The following SGCD variants were observed in gnomAD, a reference collection of about 807,000 sequenced individuals.
SGCD encodes the protein sarcoglycan delta, also known as delta-sarcoglycan.
SGCD carries 18 observed loss-of-function variants against 36.6 expected under a neutral mutation model. The observed-to-expected ratio is 0.49, with a 90% confidence interval of 0.34 to 0.73. SGCD has a LOEUF of 0.73. Ranked by LOEUF, SGCD falls within the 30% of genes least tolerant of loss-of-function variation. The probability of loss-of-function intolerance (pLI) is 0.01; values close to 1 mark genes in which losing one functional copy is unlikely to be tolerated. For missense variants in SGCD, 387 were observed against 346.7 expected (o/e 1.12, Z -0.92); for synonymous variants, 133 against 130.6 (o/e 1.02, Z -0.12).
At chr5:156,578,883 T>C (rs977360619) in intron 4 of SGCD, among the ~76,000 whole-genome samples, 10 of 152,034 alleles carry the variant, frequency 6.6e-5, no homozygotes, top group Non-Finnish European at 1.2e-4. Context: ...ATTCATTGAT[T>C]CTTTTGAAGG....
rs191506321 is a variant in SGCD, at chr5:156,638,064, C to G, written c.503-9400C>G. On this transcript the variant is annotated intron_variant, in intron 6 of 8. Transcript: ENST00000337851. ...TAGGAAGGCATCACCACCCACTTGC[C>G]TGGCCACAGGAACAGCGTGTTCTAC... Among the ~76,000 whole-genome samples the G allele has an allele frequency of 4.5e-4, 69 of 152,060 alleles. No individual in the cohort carries two copies. In the East Asian group the frequency reaches 7.7e-3, roughly 17 times the overall value.
At chr5:155,998,220 C>A (rs1011089522) in intron 1 of SGCD, among the ~76,000 whole-genome samples, 2 of 152,120 alleles carry the variant, frequency 1.3e-5, no homozygotes, top group Admixed American at 1.3e-4. Flanking sequence ...AAAACAATTT[C>A]TTCCATCTTA....
At chr5:155,747,509 G>C in the SGCD span, among the ~76,000 whole-genome samples, 1 of 152,152 alleles carries the variant, frequency 6.6e-6, no homozygotes, top group African/African-American at 2.4e-5. Flanking sequence ...CTTTTTGTTG[G>C]AGGATAGGGA....
chr5:156,336,928 C>T (rs1017347868), intron 2 of SGCD, among the ~76,000 whole-genome samples: 2 of 152,182 alleles, frequency 1.3e-5, no homozygotes, highest in Non-Finnish European at 2.9e-5. Context: ...TAAAAAGAAA[C>T]TGCCATTCCT....
At chr5:155,866,699 A>G (rs567460484), upstream of SGCD, among the ~76,000 whole-genome samples, 5 of 152,218 alleles carry the variant, frequency 3.3e-5, no homozygotes, top group South Asian at 8.3e-4. Context: ...TCTTCATTCC[A>G]TCCTAACAGC....
At chr5:156,643,926 G>C (rs1320550578) in intron 6 of SGCD, among the ~76,000 whole-genome samples, 1 of 151,952 alleles carries the variant, frequency 6.6e-6, no homozygotes, top group Non-Finnish European at 1.5e-5. Context: ...TGAATCTATT[G>C]AACATTTTGC....
intron 3 of SGCD, among the ~76,000 whole-genome samples, chr5:156,421,857 C>A (rs1485898622): frequency 6.6e-6 from 1 of 151,984 alleles, no homozygotes; most frequent in Non-Finnish European, 1.5e-5. Context: ...AATCTGTGAG[C>A]CTTTACCGGG....
chr5:156,232,301 T>C (rs557726225), intron 3 of SGCD, among the ~76,000 whole-genome samples: 1 of 152,350 alleles, frequency 6.6e-6, no homozygotes, highest in South Asian at 2.1e-4. Context: ...CCCTACTTGA[T>C]TATTTTTGCT....
intron 7 of SGCD, among the ~76,000 whole-genome samples, chr5:156,692,761 G>A (rs577429014): frequency 3.9e-5 from 6 of 152,292 alleles, no homozygotes; most frequent in Admixed American, 3.9e-4. Flanking sequence ...AAATCAGACT[G>A]AGATAGGTTA....
At chr5:155,776,778 C>T in the SGCD span, among the ~76,000 whole-genome samples, 4 of 152,042 alleles carry the variant, frequency 2.6e-5, no homozygotes, top group Non-Finnish European at 4.4e-5. Context: ...TCTTATGAGA[C>T]AAAACTAACA....
chr5:156,342,859 T>C (rs1768737314), intron 2 of SGCD, among the ~76,000 whole-genome samples: 4 of 152,234 alleles, frequency 2.6e-5, no homozygotes, highest in African/African-American at 9.6e-5. Context: ...CATTGGGTCA[T>C]CATTTATGCA....
rs146210568 is a variant in SGCD at position 156,700,707 on chromosome 5, A to G, written c.575+53171A>G. On this transcript the variant is annotated intron_variant, in intron 7 of 8. Transcript: ENST00000337851. The stretch of plus-strand genomic sequence containing the variant: ...ACCTGTAATCCCAGAACTTTGGGAT[A>G]CTGAGGCAAGAAGATTGCTTGAGGC... 1.5e-4 allele frequency among the ~76,000 whole-genome samples: 23 copies of G among 152,228 alleles called. No homozygotes were observed. In the East Asian group the frequency reaches 3.9e-3, roughly 26 times the overall value.
intron 1 of SGCD, among the ~76,000 whole-genome samples, chr5:155,994,472 T>C (rs1257382605): frequency 6.6e-6 from 1 of 152,224 alleles, no homozygotes; most frequent in African/African-American, 2.4e-5. Flanking sequence ...TTACCATTAA[T>C]GGCAGGAAGC....
chr5:156,426,208 C>G (rs114066057), intron 3 of SGCD, among the ~76,000 whole-genome samples: 248 of 152,182 alleles, frequency 1.6e-3, no homozygotes, highest in African/African-American at 5.5e-3. Context: ...TGCACCACAT[C>G]CATGCAAATA....
intron 3 of SGCD, among the ~76,000 whole-genome samples, chr5:156,319,039 C>T (rs777880432): frequency 8.5e-5 from 13 of 152,048 alleles, no homozygotes; most frequent in Admixed American, 2.0e-4. Flanking sequence ...TGCTTTTTGG[C>T]GGGGAGAATC....
chr5:156,506,623 C>A lies in SGCD; in HGVS notation c.193-1978C>A, dbSNP rs142668674. The stretch of plus-strand genomic sequence containing the variant: ...TATATTAAAAGGGTGCAGCAGTCAA[C>A]TGGAAAAAAACCCTTGACTGAAGTA... On this transcript the variant is annotated intron_variant, in intron 3 of 8. Coordinates refer to ENST00000337851, the MANE Select transcript of SGCD (RefSeq NM_000337.6). 1.3e-3 allele frequency among the ~76,000 whole-genome samples: 203 copies of A among 152,034 alleles called. 2 individuals carry two copies. The highest frequency in any genetic ancestry group is 4.7e-3 in the African/African-American group (194 of 41,458).
At chr5:155,883,810 A>AG (rs1487311371) in intron 1 of SGCD, among the ~76,000 whole-genome samples, 2 of 151,646 alleles carry the variant, frequency 1.3e-5, no homozygotes, top group African/African-American at 2.4e-5. Context: ...AAAAAAAAAA[A>AG]AAAAGAAAAG....
At chr5:156,412,126 T>C (rs1772794754) in intron 3 of SGCD, among the ~76,000 whole-genome samples, 1 of 152,192 alleles carries the variant, frequency 6.6e-6, no homozygotes, top group Admixed American at 6.5e-5. Context: ...GTTCACTCTT[T>C]TAAACTGGGT....
chr5:156,743,150 T>C (rs1271076862), intron 7 of SGCD, among the ~76,000 whole-genome samples: 1 of 145,090 alleles, frequency 6.9e-6, no homozygotes, highest in African/African-American at 2.6e-5. Context: ...TTTGCTCTGG[T>C]GCCCAGACTG....
Sources: gnomAD v4.1 joint callset for allele counts (sites outside exome capture counted in the v4.1 genomes callset) on GRCh38, gnomAD v4.1.1 for gene constraint, MANE v1.5 for transcripts, NCBI Gene and HGNC (gene_info 2026-07-23, HGNC 2026-07-21) for gene names.